SMAD9: variants seen among roughly 807,000 people sequenced by gnomAD.
The protein encoded by SMAD9 is SMAD family member 9.
SMAD9 carries 36 observed loss-of-function variants against 46.1 expected under a neutral mutation model. That is an observed-to-expected ratio of 0.78 (90% CI 0.60 to 1.03). SMAD9 has a LOEUF of 1.03. Among genes scored for constraint, SMAD9 ranks in the 50% least tolerant of loss-of-function variants. SMAD9 has a pLI of 0.00. For synonymous variants in SMAD9, 245 were observed against 237.1 expected (o/e 1.03, Z -0.31); for missense variants, 572 against 599.8 (o/e 0.95, Z 0.48).
intron 5 of SMAD9, among the ~76,000 whole-genome samples, chr13:36,864,037 C>T (rs1276422849): frequency 6.6e-6 from 1 of 152,180 alleles, no homozygotes; most frequent in African/African-American, 2.4e-5. Context: ...AGAAATTGAA[C>T]ATGCAGACCA....
chr13:36,855,251 C>CAAAAAAAAAAAAA (rs1198605048), intron 5 of SMAD9, among the ~76,000 whole-genome samples: 1 of 45,972 alleles, frequency 2.2e-5, no homozygotes, highest in Non-Finnish European at 4.4e-5. Flanking sequence ...GAGTCCATCT[C>CAAAAAAAAAAAAA]AAAAAAAAAA....
At chr13:36,864,057 G>C (rs764956857) in intron 5 of SMAD9, among the ~76,000 whole-genome samples, 1 of 152,182 alleles carries the variant, frequency 6.6e-6, no homozygotes, top group Non-Finnish European at 1.5e-5. Flanking sequence ...AATCTGCAAA[G>C]CTCCTCAGCA....
rs1157682950 is a variant in SMAD9, at chr13:36,848,268, G to T, written c.*408C>A. On this transcript the variant is annotated 3_prime_UTR_variant, in exon 7 of 7. Coordinates refer to ENST00000379826, the MANE Select transcript of SMAD9 (RefSeq NM_001127217.3). Reference sequence around the variant, plus strand: ...GGTTTCACTGCTTTGTTTCATCTGAGTGATATTTGCTTTAGTGCTGCTAAT... The same window carrying T: ...GGTTTCACTGCTTTGTTTCATCTGATTGATATTTGCTTTAGTGCTGCTAAT... 3 of 187,140 alleles carry T rather than the reference G, an allele frequency of 1.6e-5. No homozygotes were observed. The East Asian group carries it at 4.2e-4, about 26-fold the overall frequency. The allele number at this position is 187,140 out of a possible 1,614,324, so 11.6% of individuals were successfully genotyped here. A position where few individuals can be genotyped will look rare whatever the true frequency, so the allele number is the denominator to read the frequency against.
intron 1 of SMAD9, among the ~76,000 whole-genome samples, chr13:36,898,412 A>T (rs1593612283): frequency 6.6e-6 from 1 of 152,174 alleles, no homozygotes; most frequent in East Asian, 1.9e-4. Flanking sequence ...AAATAATTTT[A>T]TGAAGCTAGC....
intron 1 of SMAD9, among the ~76,000 whole-genome samples, chr13:36,895,473 T>C (rs2058520585): frequency 6.6e-6 from 1 of 152,326 alleles, no homozygotes; most frequent in East Asian, 1.9e-4. Flanking sequence ...TAGATGCCAG[T>C]AGCACACATT....
At chr13:36,876,389 C>A (rs2058345577) in intron 2 of SMAD9, among the ~76,000 whole-genome samples, 1 of 152,164 alleles carries the variant, frequency 6.6e-6, no homozygotes, top group Admixed American at 6.5e-5. Flanking sequence ...ATGGCTTCCA[C>A]CAGAACTGTG....
chr13:36,888,934 G>A (rs1241329800), intron 1 of SMAD9, among the ~76,000 whole-genome samples: 1 of 152,076 alleles, frequency 6.6e-6, no homozygotes, highest in African/African-American at 2.4e-5. Flanking sequence ...CCTTTGGAAA[G>A]GGAACATGGC....
Position 36,865,686 on chromosome 13 carries a change from A to G in SMAD9, c.854T>C (p.Val285Ala), listed in dbSNP as rs780670552. The change falls in exon 5 of 7, where the codon GTT (valine) becomes GCT (alanine). Residue 285 changes from valine to alanine, a missense_variant. Physicochemically the swap from Val to Ala is moderately conservative, Grantham distance 64. Transcript: ENST00000379826. ...SVAYYELNNR[V>A]GETFQASSRS... The stretch of plus-strand genomic sequence containing the variant: ...GGAGGAAGCCTGGAATGTCTCCCCA[A>G]CTCGGTTGTTCAGTTCATAGTAGGC... 35 of 1,613,838 alleles carry G rather than the reference A, an allele frequency of 2.2e-5. No homozygotes were observed. Among genetic ancestry groups the G allele is most frequent in the South Asian group, 8.8e-5 (8 of 91,074 alleles).
intron 1 of SMAD9, among the ~76,000 whole-genome samples, chr13:36,912,484 A>G (rs1409429067): frequency 6.6e-6 from 1 of 152,204 alleles, no homozygotes; most frequent in Admixed American, 6.5e-5. Context: ...TAGGTGCACT[A>G]TTACAACAGT....
chr13:36,879,629 G>T lies in SMAD9; in HGVS notation c.61C>A (p.Leu21Met), dbSNP rs1332610168. The change falls in exon 2 of 7, where the codon CTG (leucine) becomes ATG (methionine). Residue 21 changes from leucine to methionine, a missense_variant. Coordinates refer to ENST00000379826, the MANE Select transcript of SMAD9 (RefSeq NM_001127217.3). Reference sequence around the variant, plus strand: ...TCATCTCCTTGCTTCCAGCCTAGCAGTCTCTTCACTGCGGGGCTGGTGAAG... The same window carrying T: ...TCATCTCCTTGCTTCCAGCCTAGCATTCTCTTCACTGCGGGGCTGGTGAAG... ...FSFTSPAVKR[L>M]LGWKQGDEEE... 1.2e-6 allele frequency: 2 copies of T among 1,614,208 alleles called. No homozygotes were observed.
At chr13:36,869,267 G>A (rs995013148) in intron 3 of SMAD9, among the ~76,000 whole-genome samples, 1 of 151,650 alleles carries the variant, frequency 6.6e-6, no homozygotes. Context: ...GTCCTCACCA[G>A]GCTAGAGTGC....
intron 5 of SMAD9, among the ~76,000 whole-genome samples, chr13:36,863,855 T>C (rs182322652): frequency 7.2e-5 from 11 of 152,180 alleles, no homozygotes; most frequent in Admixed American, 7.2e-4. Flanking sequence ...CCTCTTTTTT[T>C]AATAAATTAC....
chr13:36,877,689 G>C (rs1031378343), intron 2 of SMAD9, among the ~76,000 whole-genome samples: 1 of 152,004 alleles, frequency 6.6e-6, no homozygotes, highest in African/African-American at 2.4e-5. Context: ...ACTCGCTCCA[G>C]GATTTAGGGG....
chr13:36,851,625 G>T, intron 6 of SMAD9: 1 of 486,258 alleles, frequency 2.1e-6, no homozygotes, highest in Non-Finnish European at 2.7e-6. Flanking sequence ...AACATTTGTT[G>T]ACTGACTAAG....
At chr13:36,887,257 C>T (rs1593599599) in intron 1 of SMAD9, among the ~76,000 whole-genome samples, 1 of 114,346 alleles carries the variant, frequency 8.7e-6, no homozygotes, top group Non-Finnish European at 1.6e-5. Flanking sequence ...GAGTCTTCCT[C>T]TGTCTCCCAG....
chr13:36,892,166 G>A (rs1190297920), intron 1 of SMAD9, among the ~76,000 whole-genome samples: 3 of 152,140 alleles, frequency 2.0e-5, no homozygotes, highest in Non-Finnish European at 4.4e-5. Flanking sequence ...TTAAACTGGA[G>A]CCACTCAGGT....
intron 5 of SMAD9, among the ~76,000 whole-genome samples, chr13:36,859,908 C>A (rs1313617866): frequency 2.0e-5 from 3 of 150,600 alleles, no homozygotes; most frequent in Non-Finnish European, 2.9e-5. Flanking sequence ...TGAGGCGAGC[C>A]GAGATTGTGC....
rs188376880 is a variant in SMAD9, at chr13:36,861,746, T to C, written c.1003+3791A>G. Among the ~76,000 whole-genome samples the C allele has an allele frequency of 8.9e-3, 1,353 of 151,690 alleles. 13 individuals carry two copies. Among genetic ancestry groups the C allele is most frequent in the African/African-American group, 0.031 (1,287 of 41,432 alleles). On this transcript the variant is annotated intron_variant, in intron 5 of 6. Transcript: ENST00000379826. ...GAGTTCGAGACCAGCCTGGCCAACA[T>C]GAAGAAACCCTTTCTCTACTAAAAA...
At chr13:36,894,310 C>T (rs1397931843) in intron 1 of SMAD9, among the ~76,000 whole-genome samples, 1 of 152,090 alleles carries the variant, frequency 6.6e-6, no homozygotes, top group Admixed American at 6.6e-5. Flanking sequence ...CTCATGAGAT[C>T]TGACGGTTTT....
Sources: allele counts gnomAD v4.1 joint callset (sites outside exome capture counted in the v4.1 genomes callset), GRCh38; gene constraint gnomAD v4.1.1; transcripts MANE v1.5; gene names NCBI Gene and HGNC (gene_info 2026-07-23, HGNC 2026-07-21).